Variants in PLAGL1 observed in about 807,000 individuals in gnomAD.
PLAGL1 encodes zinc finger protein PLAGL1.
A neutral mutation model predicts 4.6 loss-of-function variants in PLAGL1; 1 was observed. The ratio of observed to expected loss-of-function variants is 0.22; its 90% CI spans 0.08 to 1.03. PLAGL1 has a LOEUF of 1.03. Ranked by LOEUF, PLAGL1 falls within the 50% of genes least tolerant of loss-of-function variation. The pLI is 0.58. For missense variants in PLAGL1, 464 were observed against 570.4 expected, an observed-to-expected ratio of 0.81 and a Z score of 1.90; for synonymous variants, 240 against 237.8, an observed-to-expected ratio of 1.01 and a Z score of -0.08.
At chr6:143,988,992 G>A (rs1789810847) in intron 1 of PLAGL1, among the ~76,000 whole-genome samples, 2 of 152,148 alleles carry the variant, frequency 1.3e-5, no homozygotes, top group Admixed American at 1.3e-4. Context: ...GGTCACGTAT[G>A]TTTGAAATAA....
chr6:143,966,636 C>G lies in PLAGL1; in HGVS notation c.-471-438G>C, dbSNP rs542399593. On this transcript the variant is annotated intron_variant, in intron 3 of 7. Coordinates refer to ENST00000674357, the MANE Select transcript of PLAGL1 (RefSeq NM_001317162.2). This position sits in a 1 kb window ranked among gnomAD's most constrained non-coding sequence, Gnocchi z 6.0. ...CCACCTCTAATTCCTACTGCTGGAA[C>G]AAAAAGGGAAAAATTACCTTGGTAA... The G allele has an allele frequency of 1.3e-5, 2 of 152,036 alleles. No homozygotes were observed. The highest frequency in any genetic ancestry group is 1.3e-4 in the Admixed American group (2 of 15,268). The allele number at this position is 152,036 out of a possible 1,614,324, so 9.4% of individuals were successfully genotyped here.
In PLAGL1 at chr6:143,948,296, A is replaced by C. The variant is rs1025468408; in HGVS notation, c.-160T>G. ...ATCGTGGGCCTGGTTCTACCCAGAC[A>C]TGGACCTCTCAGCTGTCACTAGCTT... On this transcript the variant is annotated 5_prime_UTR_variant, in exon 7 of 8. An upstream start codon of the reference 5' UTR is lost. Coordinates refer to ENST00000674357, the MANE Select transcript of PLAGL1 (RefSeq NM_001317162.2). The surrounding 1 kb of genome is among the most constrained non-coding windows in gnomAD (Gnocchi z 6.0). The C allele has an allele frequency of 6.5e-6, 4 of 616,230 alleles. No individual in the cohort carries two copies. The Admixed American group carries it at 1.1e-4, about 17-fold the overall frequency. 38.2% of individuals were successfully genotyped at this position (616,230 alleles called of 1,614,324 possible). A position where few individuals can be genotyped will look rare whatever the true frequency, so the allele number is the denominator to read the frequency against.
intron 1 of PLAGL1, among the ~76,000 whole-genome samples, chr6:144,062,393 AGAG>A (rs1799485275): frequency 6.9e-6 from 1 of 145,908 alleles, no homozygotes; most frequent in African/African-American, 2.6e-5. Context: ...AAAAAAAAAA[AGAG>A]AGAGACATCA....
In PLAGL1 at chr6:143,980,902, A is replaced by G. The variant is rs186029483; in HGVS notation, c.-544+4233T>C. ...CCAAGTGTCTGCAAACTAGGCCCAC[A>G]GGCCAAATCTGGACCACTGCCTATT... is the stretch of plus-strand genomic sequence containing the variant. On this transcript the variant is annotated intron_variant, in intron 2 of 7. Coordinates refer to ENST00000674357, the MANE Select transcript of PLAGL1 (RefSeq NM_001317162.2). 1.6e-4 allele frequency among the ~76,000 whole-genome samples: 24 copies of G among 152,366 alleles called. No individual in the cohort carries two copies. The East Asian group carries it at 4.2e-3, about 27-fold the overall frequency.
intron 1 of PLAGL1, among the ~76,000 whole-genome samples, chr6:144,017,827 C>A (rs538883653): frequency 6.6e-6 from 1 of 152,192 alleles, no homozygotes; most frequent in African/African-American, 2.4e-5. Flanking sequence ...ATCATAACTT[C>A]CTGCTCTTCC....
rs1359972633 is a variant in PLAGL1 at position 143,984,442 on chromosome 6, A to G, written c.-544+693T>C. Among the ~76,000 whole-genome samples the G allele has an allele frequency of 2.0e-5, 3 of 152,122 alleles. No individual in the cohort carries two copies. Among genetic ancestry groups the G allele is most frequent in the African/African-American group, 4.8e-5 (2 of 41,402 alleles). ...GCTTTTTTCCCAAATTTAAATGACC[A>G]TATGCTCATTTTCCATATAATATCA... On this transcript the variant is annotated intron_variant, in intron 2 of 7. Transcript: ENST00000674357. This position sits in a 1 kb window ranked among gnomAD's most constrained non-coding sequence, Gnocchi z 5.5.
rs1054729652 is a variant in PLAGL1, at chr6:144,027,800, C to A, written c.-151+36668G>T. On this transcript the variant is annotated intron_variant, in intron 1 of 3. Transcript: ENST00000437412. The surrounding 1 kb of genome is among the most constrained non-coding windows in gnomAD (Gnocchi z 5.8). Reference sequence around the variant, plus strand: ...CTAAACTTACTATTATATATCCATTCTAATAATCTCCATTTCTCCAGTCTT... The same window carrying A: ...CTAAACTTACTATTATATATCCATTATAATAATCTCCATTTCTCCAGTCTT... Among the ~76,000 whole-genome samples the A allele has an allele frequency of 1.3e-5, 2 of 152,216 alleles. No homozygotes were observed. The highest frequency in any genetic ancestry group is 2.9e-5 in the Non-Finnish European group (2 of 68,044).
chr6:143,999,155 A>G (rs1792300349), intron 1 of PLAGL1, among the ~76,000 whole-genome samples: 1 of 152,024 alleles, frequency 6.6e-6, no homozygotes, highest in African/African-American at 2.4e-5. Flanking sequence ...GAAAGTTCAA[A>G]TTTTTTTCCT....
Position 143,976,127 on chromosome 6 carries a change from G to C in PLAGL1, c.-543-7149C>G, listed in dbSNP as rs568892143. Among the ~76,000 whole-genome samples the C allele has an allele frequency of 3.3e-5, 5 of 152,026 alleles. No homozygotes were observed. In the South Asian group the frequency reaches 1.0e-3, roughly 32 times the overall value. On this transcript the variant is annotated intron_variant, in intron 2 of 7. Coordinates refer to ENST00000674357, the MANE Select transcript of PLAGL1 (RefSeq NM_001317162.2). ...TGGGCGGTGGCATAGAGATGCCACA[G>C]TACAGAGTGTACAGAATACTGTGGG...
Position 143,950,829 on chromosome 6 carries a change from G to GTGA in PLAGL1, c.-324-2372_-324-2370dup, listed in dbSNP as rs1780909689. On this transcript the variant is annotated intron_variant, in intron 6 of 7. Coordinates refer to ENST00000674357, the MANE Select transcript of PLAGL1 (RefSeq NM_001317162.2). This position sits in a 1 kb window ranked among gnomAD's most constrained non-coding sequence, Gnocchi z 6.3. The stretch of plus-strand genomic sequence containing the variant: ...CTGCAATGATGGAAATGTTACAGAT[G>GTGA]TGATGGCTACTGAGCACTCAAAATG... 6.6e-6 allele frequency among the ~76,000 whole-genome samples: 1 copy of GTGA among 152,208 alleles called. No individual in the cohort carries two copies. The highest frequency in any genetic ancestry group is 1.5e-5 in the Non-Finnish European group (1 of 68,034).
In PLAGL1 at chr6:144,055,343, C is replaced by A. The variant is rs1184907090; in HGVS notation, c.-151+9125G>T. The stretch of plus-strand genomic sequence containing the variant: ...AAGAACAGAAGCAGCACCAGAACCA[C>A]AACCCACCATGACTTGCTGTGCTTG... On this transcript the variant is annotated intron_variant, in intron 1 of 3. Transcript: ENST00000437412. This position sits in a 1 kb window ranked among gnomAD's most constrained non-coding sequence, Gnocchi z 5.0. 1.3e-5 allele frequency among the ~76,000 whole-genome samples: 2 copies of A among 152,212 alleles called. No individual in the cohort carries two copies. Among genetic ancestry groups the A allele is most frequent in the African/African-American group, 4.8e-5 (2 of 41,442 alleles).
At position 143,958,369 on chromosome 6, in the gene PLAGL1, T is replaced by C. The variant is rs1424760294; in HGVS notation, c.-325+2100A>G. 1.3e-5 allele frequency among the ~76,000 whole-genome samples: 2 copies of C among 152,228 alleles called. No homozygotes were observed. The highest frequency in any genetic ancestry group is 1.9e-4 in the East Asian group (1 of 5,198). ...CGGATTACCCTAGACACAAATTTGA[T>C]GGGCAGTTTTAAAGTAACGTGCAGT... On this transcript the variant is annotated intron_variant, in intron 6 of 7. Transcript: ENST00000674357. The surrounding 1 kb of genome is among the most constrained non-coding windows in gnomAD (Gnocchi z 5.1).
chr6:144,023,768 CTTTTTTTTTTTTTT>C (rs34002736), intron 1 of PLAGL1, among the ~76,000 whole-genome samples: 49 of 72,666 alleles, frequency 6.7e-4, no homozygotes, highest in African/African-American at 2.3e-3. Context: ...TCATATTTAG[CTTTTTTTTTTTTTT>C]TTTTTTTTTT....
In PLAGL1 at chr6:143,995,364, T is replaced by C. The variant is rs191557212; in HGVS notation, c.-583-10190A>G. On this transcript the variant is annotated intron_variant, in intron 1 of 7. Coordinates refer to ENST00000674357, the MANE Select transcript of PLAGL1 (RefSeq NM_001317162.2). This position sits in a 1 kb window ranked among gnomAD's most constrained non-coding sequence, Gnocchi z 4.4. ...TGCATAATTTTTGGCTTTTGTTGTT[T>C]TGTTGTTATGGTTTTTTGGGGGTTT... Among the ~76,000 whole-genome samples, 68 of 152,308 alleles carry C rather than the reference T, an allele frequency of 4.5e-4. No individual in the cohort carries two copies. The East Asian group carries it at 0.012, about 26-fold the overall frequency.
intron 1 of PLAGL1, among the ~76,000 whole-genome samples, chr6:144,002,358 T>C (rs1793092772): frequency 6.6e-6 from 1 of 152,068 alleles, no homozygotes; most frequent in Non-Finnish European, 1.5e-5. Flanking sequence ...CCCCTTAAGA[T>C]GAGGAAAAGG....
intron 1 of PLAGL1, among the ~76,000 whole-genome samples, chr6:144,038,291 C>G (rs914153779): frequency 2.0e-5 from 3 of 152,306 alleles, no homozygotes; most frequent in Admixed American, 6.5e-5. Flanking sequence ...GTTGCCCTAT[C>G]AAGATTTTGG....
At chr6:144,035,275 A>G (rs1462039633) in intron 1 of PLAGL1, among the ~76,000 whole-genome samples, 3 of 152,112 alleles carry the variant, frequency 2.0e-5, no homozygotes, top group Non-Finnish European at 4.4e-5. Flanking sequence ...AGCACCAAAA[A>G]CTCAAAGATA....
chr6:144,012,957 A>T (rs1291609643), upstream of PLAGL1, among the ~76,000 whole-genome samples: 1 of 152,220 alleles, frequency 6.6e-6, no homozygotes, highest in Non-Finnish European at 1.5e-5. The surrounding 1 kb of genome is among the most constrained non-coding windows in gnomAD (Gnocchi z 4.8). Context: ...ATAATTTTCA[A>T]GGGAAGTATG....
chr6:144,064,450 C>T lies in PLAGL1; in HGVS notation c.-151+18G>A, dbSNP rs1271918516. On this transcript the variant is annotated intron_variant, in intron 1 of 3. Coordinates refer to the PLAGL1 transcript ENST00000437412. This position sits in a 1 kb window ranked among gnomAD's most constrained non-coding sequence, Gnocchi z 6.8. Reference sequence around the variant, plus strand: ...AGTTCTCTCGCTCGCCCCTGCCTCACCTGCCTTTCCTACCTACCCGCCGCC... The same window carrying T: ...AGTTCTCTCGCTCGCCCCTGCCTCATCTGCCTTTCCTACCTACCCGCCGCC... The T allele has an allele frequency of 6.6e-6, 1 of 152,632 alleles. No individual in the cohort carries two copies. The highest frequency in any genetic ancestry group is 1.5e-5 in the Non-Finnish European group (1 of 68,406). The allele number at this position is 152,632 out of a possible 1,614,324, so 9.5% of individuals were successfully genotyped here. A position where few individuals can be genotyped will look rare whatever the true frequency, so the allele number is the denominator to read the frequency against.
Sources: allele counts gnomAD v4.1 joint callset (sites outside exome capture counted in the v4.1 genomes callset), GRCh38; gene constraint gnomAD v4.1.1; non-coding constraint Gnocchi (gnomAD v3.1); transcripts MANE v1.5; gene names NCBI Gene and HGNC (gene_info 2026-07-23, HGNC 2026-07-21).